Variants in WWOX observed in about 807,000 individuals in gnomAD.
The protein encoded by WWOX is WW domain-containing oxidoreductase.
A neutral mutation model predicts 46.2 loss-of-function variants in WWOX; 69 were observed. That is an observed-to-expected ratio of 1.49 (90% CI 1.23 to 1.82). The LOEUF is 1.82. WWOX is among the 40% of genes most tolerant of loss of function. The probability of loss-of-function intolerance (pLI) is 0.00; values close to 1 mark genes in which losing one functional copy is unlikely to be tolerated. For missense variants in WWOX, 919 were observed against 542.6 expected (o/e 1.69, Z -6.89); for synonymous variants, 359 against 202.6 (o/e 1.77, Z -6.56).
intron 8 of WWOX, among the ~76,000 whole-genome samples, chr16:78,788,287 C>G (rs1043934773): frequency 5.3e-5 from 8 of 152,086 alleles, no homozygotes; most frequent in South Asian, 4.1e-4. Flanking sequence ...GCTCATAACT[C>G]TCATAGCCCT....
chr16:78,557,877 A>G (rs1048913214), intron 8 of WWOX, among the ~76,000 whole-genome samples: 2 of 151,830 alleles, frequency 1.3e-5, no homozygotes, highest in African/African-American at 2.4e-5. Context: ...TGTATTTTTT[A>G]GTAGAAACAG....
chr16:78,330,328 T>G (rs987006295), intron 5 of WWOX, among the ~76,000 whole-genome samples: 24 of 152,278 alleles, frequency 1.6e-4, no homozygotes, highest in African/African-American at 5.8e-4. Flanking sequence ...AATTAATATT[T>G]CCAACAAGCC....
At chr16:78,721,316 A>T (rs1224761478) in intron 8 of WWOX, among the ~76,000 whole-genome samples, 1 of 152,180 alleles carries the variant, frequency 6.6e-6, no homozygotes, top group Non-Finnish European at 1.5e-5. Flanking sequence ...TTTCTTCTTC[A>T]GGCTTTAAAG....
chr16:78,607,575 G>A (rs1450740357), intron 8 of WWOX, among the ~76,000 whole-genome samples: 4 of 152,016 alleles, frequency 2.6e-5, no homozygotes, highest in East Asian at 3.8e-4. Flanking sequence ...TCTTAGACCC[G>A]GAGAAGTCTC....
intron 8 of WWOX, among the ~76,000 whole-genome samples, chr16:79,060,791 C>T (rs1353726871): frequency 6.6e-6 from 1 of 152,122 alleles, no homozygotes; most frequent in African/African-American, 2.4e-5. Flanking sequence ...CTTGCAGGTG[C>T]CTTTGGAGAG....
chr16:78,375,403 G>A (rs1783843156), intron 5 of WWOX, among the ~76,000 whole-genome samples: 2 of 152,132 alleles, frequency 1.3e-5, no homozygotes. Context: ...TCTATTTAAT[G>A]GCTTTTCCCC....
At chr16:78,686,065 A>G (rs911064800) in intron 8 of WWOX, among the ~76,000 whole-genome samples, 3 of 152,316 alleles carry the variant, frequency 2.0e-5, no homozygotes, top group South Asian at 4.1e-4. Context: ...AGAAAGTGCA[A>G]GTAGATTTGG....
chr16:78,966,884 T>C (rs1567444916), intron 8 of WWOX, among the ~76,000 whole-genome samples: 1 of 152,236 alleles, frequency 6.6e-6, no homozygotes, highest in East Asian at 1.9e-4. Flanking sequence ...CCTCATAGAG[T>C]TGCAGTGGAG....
chr16:78,601,130 C>T (rs1487499793), intron 8 of WWOX, among the ~76,000 whole-genome samples: 1 of 152,202 alleles, frequency 6.6e-6, no homozygotes, highest in East Asian at 1.9e-4. Flanking sequence ...GCTCCTCGCA[C>T]AGCAGGGATG....
At chr16:78,323,945 C>T (rs2080549576) in intron 5 of WWOX, among the ~76,000 whole-genome samples, 1 of 152,148 alleles carries the variant, frequency 6.6e-6, no homozygotes, top group Admixed American at 6.5e-5. Context: ...TGAGCAGCAG[C>T]TGGGTGCTGG....
intron 8 of WWOX, among the ~76,000 whole-genome samples, chr16:78,550,381 T>G (rs1201649438): frequency 6.6e-6 from 1 of 152,198 alleles, no homozygotes; most frequent in South Asian, 2.1e-4. Flanking sequence ...TGAAAGCACA[T>G]AGATAATCTA....
At chr16:78,385,926 G>A (rs941140329) in intron 5 of WWOX, among the ~76,000 whole-genome samples, 12 of 152,290 alleles carry the variant, frequency 7.9e-5, no homozygotes, top group African/African-American at 2.6e-4. Flanking sequence ...TAAAAGTTGG[G>A]AGTGGCCCAT....
chr16:78,780,122 G>C (rs541577688), intron 8 of WWOX, among the ~76,000 whole-genome samples: 12 of 152,198 alleles, frequency 7.9e-5, no homozygotes, highest in East Asian at 7.7e-4. Context: ...TGAGCCCCTG[G>C]GGTCCTACAC....
intron 8 of WWOX, among the ~76,000 whole-genome samples, chr16:78,822,531 T>C (rs935312949): frequency 4.6e-5 from 7 of 151,976 alleles, no homozygotes; most frequent in Non-Finnish European, 8.8e-5. Context: ...AAAAATCTAC[T>C]TGAACCAATA....
chr16:78,495,682 T>C (rs995918288), intron 8 of WWOX, among the ~76,000 whole-genome samples: 5 of 151,850 alleles, frequency 3.3e-5, no homozygotes, highest in Non-Finnish European at 5.9e-5. Context: ...CTAATTTTTG[T>C]ATTTTTAGTA....
intron 8 of WWOX, among the ~76,000 whole-genome samples, chr16:79,057,310 T>G (rs554888436): frequency 1.3e-5 from 2 of 152,226 alleles, no homozygotes; most frequent in Non-Finnish European, 2.9e-5. Context: ...TGAATTGCAG[T>G]GGAAATCAGT....
intron 8 of WWOX, among the ~76,000 whole-genome samples, chr16:78,526,955 A>G (rs985852176): frequency 6.6e-6 from 1 of 152,212 alleles, no homozygotes; most frequent in African/African-American, 2.4e-5. Flanking sequence ...ACCTGAGGTC[A>G]GGAGTTCAAG....
intron 8 of WWOX, among the ~76,000 whole-genome samples, chr16:78,615,738 G>C (rs1238299403): frequency 6.6e-6 from 1 of 151,568 alleles, no homozygotes; most frequent in African/African-American, 2.4e-5. Flanking sequence ...GCTGTTTTAG[G>C]AAATCAATAG....
At chr16:79,025,532 G>A (rs2047620643) in intron 8 of WWOX, among the ~76,000 whole-genome samples, 1 of 152,108 alleles carries the variant, frequency 6.6e-6, no homozygotes, top group African/African-American at 2.4e-5. Context: ...AAGCCAGGGA[G>A]CACTGAGGGC....
Sources: allele counts gnomAD v4.1 joint callset (sites outside exome capture counted in the v4.1 genomes callset), GRCh38; gene constraint gnomAD v4.1.1; transcripts MANE v1.5; gene names NCBI Gene and HGNC (gene_info 2026-07-23, HGNC 2026-07-21).